Variants in GRIN2A observed in about 807,000 individuals in gnomAD.
GRIN2A encodes the protein glutamate receptor ionotropic, NMDA 2A.
GRIN2A carries 22 observed loss-of-function variants against 113.4 expected under a neutral mutation model. The ratio of observed to expected loss-of-function variants is 0.19; its 90% confidence interval spans 0.14 to 0.28. GRIN2A has a LOEUF of 0.28. Ranked by LOEUF, GRIN2A falls within the 10% of genes least tolerant of loss-of-function variation. The pLI is 1.00. For synonymous variants in GRIN2A, 827 were observed against 738.4 expected (o/e 1.12, Z -1.94); for missense variants, 1,502 against 1,887.0 (o/e 0.80, Z 3.78).
intron 4 of GRIN2A, among the ~76,000 whole-genome samples, chr16:9,855,847 A>G (rs537601842): frequency 3.3e-5 from 5 of 152,352 alleles, no homozygotes; most frequent in South Asian, 4.1e-4. Flanking sequence ...CTGAGGAAAG[A>G]AGAACATGGT....
intron 2 of GRIN2A, among the ~76,000 whole-genome samples, chr16:10,011,891 C>T (rs898920307): frequency 3.9e-5 from 6 of 152,136 alleles, no homozygotes; most frequent in East Asian, 1.9e-4. Context: ...CCAAGCTGCT[C>T]ATAGTTTCAC....
At chr16:9,934,217 CA>C in intron 3 of GRIN2A, among the ~76,000 whole-genome samples, 1 of 151,818 alleles carries the variant, frequency 6.6e-6, no homozygotes, top group East Asian at 1.9e-4. Flanking sequence ...ATTCTTTTTT[CA>C]ATATTAAAAA....
chr16:9,805,052 T>C (rs1300028475), intron 10 of GRIN2A, among the ~76,000 whole-genome samples: 1 of 115,036 alleles, frequency 8.7e-6, no homozygotes, highest in African/African-American at 3.3e-5. Context: ...CCCATTCCTT[T>C]AGTCAGTGGG....
intron 2 of GRIN2A, among the ~76,000 whole-genome samples, chr16:10,094,544 G>A (rs2048247640): frequency 6.6e-6 from 1 of 152,048 alleles, no homozygotes; most frequent in South Asian, 2.1e-4. Flanking sequence ...CCACCTCTTG[G>A]GTTCAAGCGA....
chr16:10,072,037 G>C (rs1596477768), intron 2 of GRIN2A, among the ~76,000 whole-genome samples: 1 of 152,152 alleles, frequency 6.6e-6, no homozygotes. Context: ...TTCTTCACCA[G>C]AATGACCTTG....
rs778938265 is a variant in GRIN2A, at chr16:9,764,904, C to T, written c.2640G>A (p.Lys880=). The T allele has an allele frequency of 6.2e-7, 1 of 1,614,002 alleles. No homozygotes were observed. Among genetic ancestry groups the T allele is most frequent in the African/African-American group, 1.3e-5 (1 of 74,928 alleles). The change falls in exon 13 of 13, where the codon AAG becomes AAA. Residue 880 remains lysine, a synonymous_variant. Transcript: ENST00000330684. The stretch of plus-strand genomic sequence containing the variant: ...CCGTCAGATTGAAGTCTGGAGACTT[C>T]TTCTTTTCTTCAATGTGCACTCCAT... ...CIHGVHIEEK[K]KSPDFNLTGS...
chr16:9,761,837 T>G lies in GRIN2A; in HGVS notation c.*1312A>C. The stretch of plus-strand genomic sequence containing the variant: ...TGAGGAATTTTTCCTACATCTCTGT[T>G]GGTGCTATGAAGTGGTTTGCCACCA... On this transcript the variant is annotated 3_prime_UTR_variant, in exon 13 of 13. Coordinates refer to ENST00000330684, the MANE Select transcript of GRIN2A (RefSeq NM_001134407.3). The G allele has an allele frequency of 4.9e-6, 1 of 205,304 alleles. No homozygotes were observed. Among genetic ancestry groups the G allele is most frequent in the Non-Finnish European group, 1.0e-5 (1 of 100,430 alleles). The allele number at this position is 205,304 out of a possible 1,614,324, so 12.7% of individuals were successfully genotyped here. A position where few individuals can be genotyped will look rare whatever the true frequency, so the allele number is the denominator to read the frequency against.
rs150924745 is a variant in GRIN2A at position 9,894,421 on chromosome 16, C to T, written c.1008-3321G>A. ...GGGACTTGAACATTTTTGTTCACGG[C>T]TTAAAAACCATTCATTATCTAGACA... On this transcript the variant is annotated intron_variant, in intron 3 of 12. Coordinates refer to ENST00000330684, the MANE Select transcript of GRIN2A (RefSeq NM_001134407.3). Among the ~76,000 whole-genome samples the T allele has an allele frequency of 3.8e-3, 581 of 152,292 alleles. 6 individuals are homozygous for T. The highest frequency in any genetic ancestry group is 0.013 in the African/African-American group (542 of 41,548).
At chr16:10,074,830 T>A (rs533958847) in intron 2 of GRIN2A, among the ~76,000 whole-genome samples, 11 of 152,338 alleles carry the variant, frequency 7.2e-5, no homozygotes, top group Non-Finnish European at 1.5e-4. Context: ...ATATAGTCAA[T>A]ATACTAAAAA....
intron 2 of GRIN2A, among the ~76,000 whole-genome samples, chr16:10,081,646 C>A (rs1317892573): frequency 3.9e-5 from 6 of 152,204 alleles, no homozygotes; most frequent in African/African-American, 1.4e-4. Context: ...TTCTCTCTGC[C>A]TAGAGGTTTC....
chr16:9,788,616 A>C (rs1902391944), intron 11 of GRIN2A, among the ~76,000 whole-genome samples: 1 of 148,598 alleles, frequency 6.7e-6, no homozygotes, highest in Non-Finnish European at 1.5e-5. Context: ...TTCCCCCTCT[A>C]ATTTCTCCCT....
intron 2 of GRIN2A, among the ~76,000 whole-genome samples, chr16:10,067,669 T>G (rs1168528040): frequency 1.3e-5 from 2 of 151,516 alleles, no homozygotes; most frequent in African/African-American, 4.8e-5. Context: ...GGGATTGGAG[T>G]AGAAGCAGAT....
intron 11 of GRIN2A, among the ~76,000 whole-genome samples, chr16:9,770,790 T>C (rs1418122535): frequency 6.6e-6 from 1 of 152,192 alleles, no homozygotes; most frequent in Non-Finnish European, 1.5e-5. Context: ...TAGATTTTAT[T>C]TTTTTAGAGT....
chr16:10,173,160 C>A (rs1457054132), intron 2 of GRIN2A, among the ~76,000 whole-genome samples: 1 of 152,174 alleles, frequency 6.6e-6, no homozygotes, highest in Non-Finnish European at 1.5e-5. Flanking sequence ...ATCTGACATG[C>A]CTCATGGAAA....
At chr16:9,852,107 C>T (rs1949621208) in intron 4 of GRIN2A, among the ~76,000 whole-genome samples, 1 of 152,170 alleles carries the variant, frequency 6.6e-6, no homozygotes, top group South Asian at 2.1e-4. Context: ...AGTTTAATTC[C>T]TACAAACTCT....
chr16:9,792,054 A>G (rs1430047235), intron 11 of GRIN2A, among the ~76,000 whole-genome samples: 2 of 151,612 alleles, frequency 1.3e-5, no homozygotes, highest in East Asian at 3.9e-4. Flanking sequence ...TACAAAAGGA[A>G]CAGAGGGAAC....
intron 2 of GRIN2A, among the ~76,000 whole-genome samples, chr16:10,032,807 C>T (rs144081799): frequency 5.5e-4 from 84 of 152,306 alleles, no homozygotes; most frequent in African/African-American, 1.9e-3. Context: ...ATAGCTTCTG[C>T]CTGACTCCCA....
chr16:10,163,702 C>G (rs1464014668), intron 2 of GRIN2A, among the ~76,000 whole-genome samples: 2 of 151,616 alleles, frequency 1.3e-5, no homozygotes, highest in African/African-American at 2.4e-5. Flanking sequence ...CAGAATTCTA[C>G]AAAGTGAGTG....
At chr16:9,869,241 C>T (rs573653225) in intron 4 of GRIN2A, among the ~76,000 whole-genome samples, 3 of 152,148 alleles carry the variant, frequency 2.0e-5, no homozygotes, top group East Asian at 1.9e-4. Flanking sequence ...GAGACCAGCC[C>T]GGGCAACATG....
Sources: gnomAD v4.1 joint callset for allele counts (sites outside exome capture counted in the v4.1 genomes callset) on GRCh38, gnomAD v4.1.1 for gene constraint, MANE v1.5 for transcripts, NCBI Gene and HGNC (gene_info 2026-07-23, HGNC 2026-07-21) for gene names.